Variants in SPIRE1 observed in about 807,000 individuals in gnomAD.
SPIRE1 encodes protein spire homolog 1.
Under a neutral mutation model 94.1 loss-of-function variants are expected in SPIRE1, and 40 were observed. The observed-to-expected ratio is 0.43, with a 90% CI of 0.33 to 0.55. The LOEUF is 0.55. Among genes scored for constraint, SPIRE1 ranks in the 20% least tolerant of loss-of-function variants. SPIRE1 has a pLI of 0.06. For missense variants in SPIRE1, 838 were observed against 975.2 expected (o/e 0.86, Z 1.87); for synonymous variants, 376 against 371.7 (o/e 1.01, Z -0.13).
intron 2 of SPIRE1, among the ~76,000 whole-genome samples, chr18:12,566,201 T>C (rs2035816770): frequency 6.6e-6 from 1 of 151,892 alleles, no homozygotes; most frequent in Admixed American, 6.6e-5. Flanking sequence ...CTGGGCATGG[T>C]GGTGCATGCC....
intron 2 of SPIRE1, among the ~76,000 whole-genome samples, chr18:12,558,746 C>T (rs2035594872): frequency 6.6e-6 from 1 of 152,056 alleles, no homozygotes; most frequent in Non-Finnish European, 1.5e-5. Flanking sequence ...CTGACTGGTG[C>T]ATCCACAAAC....
At chr18:12,607,618 C>T (rs1222001061) in intron 2 of SPIRE1, among the ~76,000 whole-genome samples, 3 of 151,788 alleles carry the variant, frequency 2.0e-5, no homozygotes, top group Non-Finnish European at 2.9e-5. Context: ...CACACACACA[C>T]ACACACACAC....
At chr18:12,656,353 A>G (rs1278902611) in intron 1 of SPIRE1, among the ~76,000 whole-genome samples, 2 of 152,246 alleles carry the variant, frequency 1.3e-5, no homozygotes, top group Admixed American at 6.5e-5. Flanking sequence ...CAAAAGAACA[A>G]TTAAAAAGAT....
At chr18:12,496,564 T>C (rs1452507562) in intron 6 of SPIRE1, among the ~76,000 whole-genome samples, 2 of 151,956 alleles carry the variant, frequency 1.3e-5, no homozygotes, top group Non-Finnish European at 2.9e-5. Context: ...TGAAACCCTG[T>C]CTCTACTAAA....
chr18:12,618,351 C>G (rs1351328894), intron 2 of SPIRE1, among the ~76,000 whole-genome samples: 1 of 152,130 alleles, frequency 6.6e-6, no homozygotes, highest in Non-Finnish European at 1.5e-5. Context: ...CCGCCCGCCT[C>G]GGCCTCCCAA....
chr18:12,515,406 C>T (rs2034168429), intron 4 of SPIRE1, among the ~76,000 whole-genome samples: 1 of 152,048 alleles, frequency 6.6e-6, no homozygotes, highest in Non-Finnish European at 1.5e-5. Flanking sequence ...GTCCCAGCTA[C>T]TCAGGAGGCT....
chr18:12,649,724 C>A (rs540851602), intron 1 of SPIRE1, among the ~76,000 whole-genome samples: 15 of 152,088 alleles, frequency 9.9e-5, no homozygotes, highest in Non-Finnish European at 2.2e-4. Flanking sequence ...AAAGTTTAGT[C>A]AAAACTCTTA....
chr18:12,546,578 G>A (rs2035176297), intron 3 of SPIRE1, 96 bp downstream of exon 3: 2 of 930,390 alleles, frequency 2.1e-6, no homozygotes, highest in African/African-American at 1.6e-5. Context: ...TCTAGCCTGG[G>A]CGACAGAGTG....
chr18:12,559,759 T>C lies in SPIRE1; in HGVS notation c.373-12855A>G, dbSNP rs1435796831. Among the ~76,000 whole-genome samples, 1 of 152,082 alleles carries C rather than the reference T, an allele frequency of 6.6e-6. No homozygotes were observed. Among genetic ancestry groups the C allele is most frequent in the African/African-American group, 2.4e-5 (1 of 41,394 alleles). ...GCAAAAATTGACAAATGGGATCACA[T>C]GAAGTTAAATAGCTTTTGCCAGTGA... On this transcript the variant is annotated intron_variant, in intron 2 of 16. Transcript: ENST00000409402. The surrounding 1 kb of genome is among the most constrained non-coding windows in gnomAD (Gnocchi z 4.7).
intron 2 of SPIRE1, among the ~76,000 whole-genome samples, chr18:12,631,569 A>AC (rs1230691501): frequency 1.0e-4 from 15 of 150,138 alleles, no homozygotes; most frequent in African/African-American, 3.2e-4. Context: ...AAAAAAAAAA[A>AC]AAAAAACATA....
intron 10 of SPIRE1, among the ~76,000 whole-genome samples, chr18:12,465,764 A>G (rs998062868): frequency 5.3e-5 from 8 of 152,184 alleles, no homozygotes; most frequent in Admixed American, 5.2e-4. Context: ...TAAACATTTC[A>G]TGAAATGTCA....
At chr18:12,621,504 T>C (rs558647496) in intron 2 of SPIRE1, among the ~76,000 whole-genome samples, 1 of 152,268 alleles carries the variant, frequency 6.6e-6, no homozygotes, top group East Asian at 1.9e-4. Context: ...GGTAACAAAA[T>C]ACAGTATATC....
chr18:12,493,157 G>A lies in SPIRE1; in HGVS notation c.1104C>T (p.Ser368=). The A allele has an allele frequency of 6.2e-7, 1 of 1,613,768 alleles. No homozygotes were observed. The highest frequency in any genetic ancestry group is 8.5e-7 in the Non-Finnish European group (1 of 1,179,960). The change falls in exon 8 of 17, where the codon AGC becomes AGT. Residue 368 remains serine (S), a synonymous_variant. Transcript: ENST00000409402. The part of the protein sequence containing the change: ...KLKPTPPRPR[S]LHERILEEIK... ...TTTCTTCTAATATTCTTTCATGGAG[G>A]CTCCGTGGCCGTGGTGGAGTTGGTT...
chr18:12,507,418 G>T (rs1184821046), intron 5 of SPIRE1, among the ~76,000 whole-genome samples: 1 of 152,158 alleles, frequency 6.6e-6, no homozygotes, highest in Non-Finnish European at 1.5e-5. Flanking sequence ...ACTAAAAAAG[G>T]CTGGGTGCAA....
Position 12,461,557 on chromosome 18 carries a change from G to GTGTGTGTATGTATGTA in SPIRE1, c.1638+1793_1638+1794insTACATACATACACACA, listed in dbSNP as rs1568184210. ...TACGTACATATGTATATACATACAT[G>GTGTGTGTATGTATGTA]CGTGTATATGTATGTACATACATAT... is the stretch of plus-strand genomic sequence containing the variant. On this transcript the variant is annotated intron_variant, in intron 12 of 16. Transcript: ENST00000409402. Among the ~76,000 whole-genome samples, 34 of 125,050 alleles carry GTGTGTGTATGTATGTA rather than the reference G, an allele frequency of 2.7e-4. 1 individual carries two copies. Among genetic ancestry groups the GTGTGTGTATGTATGTA allele is most frequent in the African/African-American group, 1.0e-3 (31 of 30,780 alleles). The allele number at this position is 125,050 out of a possible 152,430, so 82.0% of individuals were successfully genotyped here. A position where few individuals can be genotyped will look rare whatever the true frequency, so the allele number is the denominator to read the frequency against.
intron 10 of SPIRE1, among the ~76,000 whole-genome samples, chr18:12,478,777 C>A (rs1411816852): frequency 6.6e-6 from 1 of 152,018 alleles, no homozygotes; most frequent in East Asian, 1.9e-4. Flanking sequence ...ATACTGACAT[C>A]GCAGATGGGG....
At position 12,506,487 on chromosome 18, in the gene SPIRE1, C is replaced by T. The variant is rs768905374; in HGVS notation, c.962G>A (p.Arg321Gln). 21 of 1,613,828 alleles carry T rather than the reference C, an allele frequency of 1.3e-5. No individual in the cohort carries two copies. The highest frequency in any genetic ancestry group is 6.7e-5 in the East Asian group (3 of 44,882). The change falls in exon 6 of 17, where the codon CGA becomes CAA. Residue 321 changes from arginine (R) to glutamine (Q), a missense_variant. Arg to Gln is a conservative substitution (Grantham distance 43, BLOSUM62 1). This residue lies in a region of SPIRE1 where 645 missense variants were observed against 804.7 expected (regional missense o/e 0.80). Transcript: ENST00000409402. Reference protein sequence around the residue: ...DDIRCKRYTLRKVMVNGDIPP... With the variant: ...DDIRCKRYTLQKVMVNGDIPP... ...AGCTTGGTTACTTACCATCACTTTT[C>T]GCAAGGTGTATCTTTTGCAGCGAAT... is the stretch of plus-strand genomic sequence containing the variant.
At chr18:12,462,999 G>A (rs554950870) in intron 12 of SPIRE1, among the ~76,000 whole-genome samples, 1 of 152,126 alleles carries the variant, frequency 6.6e-6, no homozygotes, top group African/African-American at 2.4e-5. Context: ...GGGCACAAAT[G>A]ATCCTCTCAC....
intron 6 of SPIRE1, among the ~76,000 whole-genome samples, chr18:12,502,909 A>T (rs2033711430): frequency 6.6e-6 from 1 of 152,082 alleles, no homozygotes; most frequent in African/African-American, 2.4e-5. Flanking sequence ...GGAGTTCGAG[A>T]CCAGCGTGGC....
Sources: gnomAD v4.1 joint callset for allele counts (sites outside exome capture counted in the v4.1 genomes callset) on GRCh38, gnomAD v4.1.1 for gene constraint, gnomAD v4.1.1 regional missense constraint, Gnocchi (gnomAD v3.1) non-coding constraint, MANE v1.5 for transcripts, NCBI Gene and HGNC (gene_info 2026-07-23, HGNC 2026-07-21) for gene names.